SENP1: variants seen among roughly 807,000 people sequenced by gnomAD.
SENP1 encodes sentrin-specific protease 1.
SENP1 carries 21 observed loss-of-function variants against 93.0 expected under a neutral mutation model. The ratio of observed to expected loss-of-function variants is 0.23; its 90% CI spans 0.16 to 0.33. SENP1 has a LOEUF of 0.33. Ranked by LOEUF, SENP1 falls within the 10% of genes least tolerant of loss-of-function variation. The pLI is 1.00. For missense variants in SENP1, 591 were observed against 758.7 expected (o/e 0.78, Z 2.60); for synonymous variants, 256 against 259.6 (o/e 0.99, Z 0.13).
In SENP1 at chr12:48,083,723, G is replaced by C. The variant is rs2137139008; in HGVS notation, c.420C>G (p.His140Gln). ...SNSFAGKSNHHCHVSAYEKSF... is the reference protein window; with the variant it reads ...SNSFAGKSNHQCHVSAYEKSF... ...ATTTTTCATATGCAGATACATGGCA[G>C]TGATGGTTTGACTTTCCCGCAAAAC... Residue 140 changes from histidine to glutamine, a missense_variant, in exon 6 of 18, where the codon CAC becomes CAG. Transcript: ENST00000549518. The C allele has an allele frequency of 1.2e-6, 2 of 1,612,400 alleles. No homozygotes were observed. Among genetic ancestry groups the C allele is most frequent in the East Asian group, 4.5e-5 (2 of 44,860 alleles).
At chr12:48,079,261 A>G (rs1273228452) in intron 6 of SENP1, among the ~76,000 whole-genome samples, 1 of 152,164 alleles carries the variant, frequency 6.6e-6, no homozygotes, top group Non-Finnish European at 1.5e-5. Flanking sequence ...GCACTTTGGG[A>G]GGCCGAGGCA....
intron 6 of SENP1, among the ~76,000 whole-genome samples, chr12:48,075,832 G>T (rs1296980492): frequency 6.6e-6 from 1 of 150,932 alleles, no homozygotes; most frequent in Admixed American, 6.7e-5. Flanking sequence ...GAGAGCAGCA[G>T]GAACAGGTAA....
At chr12:48,097,354 C>A (rs1474696274) in intron 3 of SENP1, among the ~76,000 whole-genome samples, 1 of 152,008 alleles carries the variant, frequency 6.6e-6, no homozygotes, top group African/African-American at 2.4e-5. Flanking sequence ...GAATTTAGTG[C>A]CTAGGGCTCA....
intron 4 of SENP1, among the ~76,000 whole-genome samples, chr12:48,092,230 T>C (rs1247299112): frequency 6.6e-6 from 1 of 151,930 alleles, no homozygotes; most frequent in South Asian, 2.1e-4. Flanking sequence ...AAAGTCAGGA[T>C]CAGCAGATAA....
chr12:48,071,158 G>A (rs1445752844), intron 9 of SENP1, among the ~76,000 whole-genome samples: 1 of 152,142 alleles, frequency 6.6e-6, no homozygotes, highest in African/African-American at 2.4e-5. Context: ...TGGTATGGTG[G>A]AAGACGGAAT....
At chr12:48,080,815 G>A (rs1944444704) in intron 6 of SENP1, among the ~76,000 whole-genome samples, 1 of 152,116 alleles carries the variant, frequency 6.6e-6, no homozygotes, top group Admixed American at 6.5e-5. Flanking sequence ...TTCATATTAG[G>A]AGAATATAGA....
chr12:48,069,554 TGA>T (rs1477243854), intron 9 of SENP1, among the ~76,000 whole-genome samples: 9 of 152,222 alleles, frequency 5.9e-5, no homozygotes, highest in African/African-American at 2.2e-4. Context: ...ACTCTTTACC[TGA>T]GAGATCAACT....
intron 9 of SENP1, 68 bp from the exon 10 acceptor site, chr12:48,067,033 T>A (rs1943355484): frequency 9.6e-7 from 1 of 1,042,560 alleles, no homozygotes; most frequent in African/African-American, 1.6e-5. Flanking sequence ...AATATTTTCA[T>A]CAATAAAAAC....
At chr12:48,080,180 G>A (rs1348727164) in intron 6 of SENP1, 1 of 152,158 alleles carries the variant, frequency 6.6e-6, no homozygotes, top group African/African-American at 2.4e-5. Flanking sequence ...TAATAGAAAT[G>A]TTCTATATTT....
At chr12:48,102,649 G>C (rs780709288) in intron 1 of SENP1, among the ~76,000 whole-genome samples, 1 of 151,462 alleles carries the variant, frequency 6.6e-6, no homozygotes, top group Non-Finnish European at 1.5e-5. Context: ...CAATACTAGG[G>C]CTTCAATGTA....
At chr12:48,066,189 G>A (rs1282711350) in intron 10 of SENP1, among the ~76,000 whole-genome samples, 1 of 152,140 alleles carries the variant, frequency 6.6e-6, no homozygotes, top group South Asian at 2.1e-4. Context: ...AGATATCACT[G>A]AAGTTTAATT....
At chr12:48,051,085 A>G (rs1327226553) in intron 13 of SENP1, among the ~76,000 whole-genome samples, 1 of 151,222 alleles carries the variant, frequency 6.6e-6, no homozygotes, top group Admixed American at 6.6e-5. Context: ...CTGAAGTGAA[A>G]AAAAAAAAAA....
chr12:48,104,143 G>A (rs985441354), intron 1 of SENP1, among the ~76,000 whole-genome samples: 137 of 151,582 alleles, frequency 9.0e-4, no homozygotes, highest in East Asian at 1.8e-3. Context: ...CCCGGGAGGC[G>A]GAGGTTGCAG....
chr12:48,058,983 G>A (rs1388221528), intron 13 of SENP1, among the ~76,000 whole-genome samples: 1 of 152,198 alleles, frequency 6.6e-6, no homozygotes, highest in Non-Finnish European at 1.5e-5. Flanking sequence ...GTTTCCGACA[G>A]TTATTCCTAT....
intron 13 of SENP1, among the ~76,000 whole-genome samples, chr12:48,051,082 GAA>G (rs5798058): frequency 1.9e-4 from 25 of 131,576 alleles, no homozygotes; most frequent in Non-Finnish European, 1.8e-4. Context: ...AGTCTGAAGT[GAA>G]AAAAAAAAAA....
Position 48,049,227 on chromosome 12 carries a change from T to TATGTATTGTAATAG in SENP1, c.1408-96_1408-95insCTATTACAATACAT, listed in dbSNP as rs1941605899. 3.4e-6 allele frequency: 3 copies of TATGTATTGTAATAG among 894,942 alleles called. No individual in the cohort carries two copies. In the East Asian group the frequency reaches 7.3e-5, roughly 22 times the overall value. The allele number at this position is 894,942 out of a possible 1,614,324, so 55.4% of individuals were successfully genotyped here. ...GTGTTGAATAGCATATGTAATTGTT[T>TATGTATTGTAATAG]CCTAATAAACTGAATTAAGTCTTCA... On this transcript the variant is annotated intron_variant, in intron 13 of 17. Transcript: ENST00000549518.
In SENP1 at chr12:48,057,339, C is replaced by T. The variant is rs367664875; in HGVS notation, c.1407+6371G>A. 6.8e-5 allele frequency among the ~76,000 whole-genome samples: 10 copies of T among 147,656 alleles called. No individual in the cohort carries two copies. The East Asian group carries it at 7.8e-4, about 12-fold the overall frequency. Reference sequence around the variant, plus strand: ...CCACCTCCCAAGTTCAAGCGATTCTCGTGCCTCAGCCTCCTGGGTAGCTGG... The same window carrying T: ...CCACCTCCCAAGTTCAAGCGATTCTTGTGCCTCAGCCTCCTGGGTAGCTGG... On this transcript the variant is annotated intron_variant, in intron 13 of 17. Transcript: ENST00000549518.
chr12:48,091,379 G>A (rs945429552), intron 4 of SENP1, among the ~76,000 whole-genome samples: 1 of 152,058 alleles, frequency 6.6e-6, no homozygotes, highest in Non-Finnish European at 1.5e-5. Flanking sequence ...GAACCCGGGA[G>A]GCAGAGGTTG....
chr12:48,046,574 C>T (rs1212590235), intron 16 of SENP1, 123 bp from the exon 17 acceptor site: 5 of 719,550 alleles, frequency 6.9e-6, no homozygotes, highest in African/African-American at 1.8e-5. Context: ...ATGACTCTGG[C>T]CCCCCAGTCA....
Sources: allele counts gnomAD v4.1 joint callset (sites outside exome capture counted in the v4.1 genomes callset), GRCh38; gene constraint gnomAD v4.1.1; transcripts MANE v1.5; gene names NCBI Gene and HGNC (gene_info 2026-07-23, HGNC 2026-07-21).